KLF7: variants seen among roughly 807,000 people sequenced by gnomAD.
KLF7 encodes the protein KLF transcription factor 7, also known as Krueppel-like factor 7.
A neutral mutation model predicts 27.3 loss-of-function variants in KLF7; 2 were observed. That is an observed-to-expected ratio of 0.07 (90% CI 0.03 to 0.23). The LOEUF (loss-of-function observed/expected upper bound fraction) is 0.23, where lower values mean the gene tolerates loss of function less well. Among genes scored for constraint, KLF7 ranks in the 10% least tolerant of loss-of-function variants. KLF7 has a pLI of 1.00. For missense variants in KLF7, 221 were observed against 394.1 expected, an observed-to-expected ratio of 0.56 and a Z score of 3.72; for synonymous variants, 165 against 162.4, an observed-to-expected ratio of 1.02 and a Z score of -0.12.
intron 2 of KLF7, among the ~76,000 whole-genome samples, chr2:207,099,414 G>GTA (rs974633131): frequency 1.3e-5 from 2 of 151,676 alleles, no homozygotes; most frequent in Non-Finnish European, 2.9e-5. Context: ...CCATTGGTAC[G>GTA]TATCACATTA....
chr2:207,130,273 C>G (rs1024260324), intron 1 of KLF7, among the ~76,000 whole-genome samples: 1 of 152,190 alleles, frequency 6.6e-6, no homozygotes, highest in Non-Finnish European at 1.5e-5. Flanking sequence ...TTCAGGGAGC[C>G]CAACCTAGAA....
At chr2:207,151,217 G>T (rs1385832198) in intron 1 of KLF7, among the ~76,000 whole-genome samples, 1 of 152,120 alleles carries the variant, frequency 6.6e-6, no homozygotes, top group African/African-American at 2.4e-5. Flanking sequence ...AAGCCCTGTG[G>T]AACTCAGCCC....
At chr2:207,125,439 A>C (rs2077453529) in intron 1 of KLF7, among the ~76,000 whole-genome samples, 1 of 152,228 alleles carries the variant, frequency 6.6e-6, no homozygotes, top group Non-Finnish European at 1.5e-5. Context: ...TTCTGGATTC[A>C]ACAAAGACCC....
chr2:207,170,092 T>G (rs2078775108), upstream of KLF7, among the ~76,000 whole-genome samples: 1 of 149,796 alleles, frequency 6.7e-6, no homozygotes, highest in African/African-American at 2.5e-5. Context: ...ACCAAACAGT[T>G]GGCCACTCTG....
intron 1 of KLF7, among the ~76,000 whole-genome samples, chr2:207,142,765 A>T (rs1281363779): frequency 6.6e-6 from 1 of 152,226 alleles, no homozygotes; most frequent in African/African-American, 2.4e-5. Context: ...CTGGAAAAGG[A>T]TGAGCAGTCT....
At chr2:207,102,343 G>C (rs1052837233) in intron 2 of KLF7, among the ~76,000 whole-genome samples, 17 of 152,084 alleles carry the variant, frequency 1.1e-4, no homozygotes, top group Non-Finnish European at 2.4e-4. Flanking sequence ...AAGAATGAAG[G>C]CATTCTGGGA....
chr2:207,145,683 C>T (rs898662825), intron 1 of KLF7, among the ~76,000 whole-genome samples: 1 of 152,166 alleles, frequency 6.6e-6, no homozygotes, highest in Non-Finnish European at 1.5e-5. Context: ...TCCTGGCACC[C>T]TAATCTTTCC....
chr2:207,166,046 C>T (rs1283578802), upstream of KLF7: 8 of 423,706 alleles, frequency 1.9e-5, no homozygotes, highest in African/African-American at 1.8e-4. Flanking sequence ...TCCCCACCCC[C>T]CACCCCATCC....
intron 2 of KLF7, among the ~76,000 whole-genome samples, chr2:207,116,648 C>T (rs1280968423): frequency 6.6e-6 from 1 of 152,140 alleles, no homozygotes; most frequent in East Asian, 1.9e-4. Context: ...GAAACAGCCT[C>T]TGTACATTAT....
In KLF7 at chr2:207,084,437, GA is replaced by G. The variant is rs546038948; in HGVS notation, c.858-3174del. Reference sequence around the variant, plus strand: ...TCTCCCTTTATCCTTCAAATTCAGGGAAAAAAAAGTGGAAAAAAGTAAACCA... The same window carrying G: ...TCTCCCTTTATCCTTCAAATTCAGGGAAAAAAAGTGGAAAAAAGTAAACCA... On this transcript the variant is annotated intron_variant, in intron 3 of 3. Coordinates refer to ENST00000309446, the MANE Select transcript of KLF7 (RefSeq NM_003709.4). 1.7e-4 allele frequency among the ~76,000 whole-genome samples: 26 copies of G among 151,178 alleles called. No homozygotes were observed. In the East Asian group the frequency reaches 4.3e-3, roughly 25 times the overall value.
chr2:207,140,020 C>T (rs1438344722), intron 1 of KLF7, among the ~76,000 whole-genome samples: 5 of 152,160 alleles, frequency 3.3e-5, no homozygotes, highest in African/African-American at 9.7e-5. Flanking sequence ...TTCCGAATAG[C>T]TGGGACTATA....
upstream of KLF7, among the ~76,000 whole-genome samples, chr2:207,169,063 G>A (rs1410013310): frequency 6.6e-6 from 1 of 152,184 alleles, no homozygotes; most frequent in African/African-American, 2.4e-5. Flanking sequence ...GAAGTTTAGA[G>A]AGTGCATGTA....
chr2:207,158,563 C>T (rs1360500856), intron 1 of KLF7, among the ~76,000 whole-genome samples: 1 of 152,228 alleles, frequency 6.6e-6, no homozygotes. Context: ...ACCACATATG[C>T]CCCACTGCAC....
intron 1 of KLF7, among the ~76,000 whole-genome samples, chr2:207,150,622 G>A (rs184300269): frequency 5.4e-4 from 82 of 152,250 alleles, no homozygotes; most frequent in Admixed American, 1.0e-3. Flanking sequence ...CACTTCATAT[G>A]GGAAATATAA....
In KLF7 at chr2:207,079,939, A is replaced by G. The variant is rs1400845929; in HGVS notation, c.*1274T>C. 1 of 152,246 alleles carries G rather than the reference A, an allele frequency of 6.6e-6. No homozygotes were observed. Among genetic ancestry groups the G allele is most frequent in the Non-Finnish European group, 1.5e-5 (1 of 68,044 alleles). 9.4% of individuals were successfully genotyped at this position (152,246 alleles called of 1,614,324 possible). On this transcript the variant is annotated 3_prime_UTR_variant, in exon 4 of 4. Coordinates refer to ENST00000309446, the MANE Select transcript of KLF7 (RefSeq NM_003709.4). Reference sequence around the variant, plus strand: ...AGACAGGATGATCTTTTGTGAAGCCACTAGACTTGGGAGGCATCCTCAGTT... The same window carrying G: ...AGACAGGATGATCTTTTGTGAAGCCGCTAGACTTGGGAGGCATCCTCAGTT...
At chr2:207,081,943 A>G (rs1181653852) in intron 3 of KLF7, among the ~76,000 whole-genome samples, 3 of 151,572 alleles carry the variant, frequency 2.0e-5, no homozygotes, top group Non-Finnish European at 4.4e-5. Flanking sequence ...TTTTCCCAAT[A>G]TCACGCCATC....
chr2:207,141,999 C>A lies in KLF7; in HGVS notation c.103-17595G>T, dbSNP rs1471761091. On this transcript the variant is annotated intron_variant, in intron 1 of 3. Transcript: ENST00000309446. ...CCGCAGTACTCGGCTGGAATCCCTG[C>A]TCTCAATAAGAATCTTGTCACAAGA... Among the ~76,000 whole-genome samples the A allele has an allele frequency of 2.0e-5, 3 of 152,064 alleles. No individual in the cohort carries two copies. In the East Asian group the frequency reaches 5.8e-4, roughly 30 times the overall value.
intron 2 of KLF7, among the ~76,000 whole-genome samples, chr2:207,115,569 C>G (rs1173127200): frequency 1.3e-5 from 2 of 152,184 alleles, no homozygotes; most frequent in African/African-American, 4.8e-5. Flanking sequence ...TTTAAGTGAT[C>G]TTGCCTCGAC....
chr2:207,164,922 A>C (rs2078659589), intron 1 of KLF7, among the ~76,000 whole-genome samples: 1 of 151,996 alleles, frequency 6.6e-6, no homozygotes, highest in Non-Finnish European at 1.5e-5. Context: ...CCTACCTTCT[A>C]ATCTCAAAAT....
Sources: allele counts gnomAD v4.1 joint callset (sites outside exome capture counted in the v4.1 genomes callset), GRCh38; gene constraint gnomAD v4.1.1; transcripts MANE v1.5; gene names NCBI Gene and HGNC (gene_info 2026-07-23, HGNC 2026-07-21).